PTPRD: variants seen among roughly 807,000 people sequenced by gnomAD.
PTPRD encodes the protein protein tyrosine phosphatase receptor type D.
PTPRD carries 34 observed loss-of-function variants against 214.5 expected under a neutral mutation model. That is an observed-to-expected ratio of 0.16 (90% CI 0.12 to 0.21). PTPRD has a LOEUF of 0.21. Ranked by LOEUF, PTPRD falls within the 10% of genes least tolerant of loss-of-function variation. PTPRD has a pLI of 1.00. For synonymous variants in PTPRD, 1,128 were observed against 845.7 expected (o/e 1.33, Z -5.79); for missense variants, 2,545 against 2,398.7 (o/e 1.06, Z -1.27).
At chr9:9,811,427 G>A (rs1565445769) in intron 5 of PTPRD, among the ~76,000 whole-genome samples, 1 of 152,126 alleles carries the variant, frequency 6.6e-6, no homozygotes, top group African/African-American at 2.4e-5. Flanking sequence ...AAGAAAGTGG[G>A]CCAGGCGCGG....
At chr9:9,434,630 A>G (rs2084487307) in intron 8 of PTPRD, among the ~76,000 whole-genome samples, 1 of 152,114 alleles carries the variant, frequency 6.6e-6, no homozygotes, top group African/African-American at 2.4e-5. Context: ...AATATACTAT[A>G]CAGATAGATA....
intron 5 of PTPRD, among the ~76,000 whole-genome samples, chr9:9,822,901 G>C (rs993299824): frequency 6.6e-6 from 1 of 152,086 alleles, no homozygotes; most frequent in Non-Finnish European, 1.5e-5. Flanking sequence ...ATGAAAAACA[G>C]AATGGTACGT....
chr9:9,927,229 G>A (rs943120219), intron 5 of PTPRD, among the ~76,000 whole-genome samples: 1 of 152,062 alleles, frequency 6.6e-6, no homozygotes, highest in Admixed American at 6.5e-5. Flanking sequence ...TATACCCACT[G>A]CTGGAGGAGG....
At chr9:8,608,559 T>C (rs567277876) in intron 14 of PTPRD, among the ~76,000 whole-genome samples, 1 of 152,092 alleles carries the variant, frequency 6.6e-6, no homozygotes, top group Non-Finnish European at 1.5e-5. Flanking sequence ...TCCCATATCT[T>C]CTTATGGCTT....
intron 2 of PTPRD, among the ~76,000 whole-genome samples, chr9:10,388,949 T>C (rs1038021819): frequency 3.3e-5 from 5 of 151,868 alleles, no homozygotes; most frequent in East Asian, 3.9e-4. Context: ...TGAAATTGTA[T>C]AGAAGTTGAA....
chr9:8,567,513 G>T (rs1270689863), intron 14 of PTPRD, among the ~76,000 whole-genome samples: 1 of 152,168 alleles, frequency 6.6e-6, no homozygotes, highest in Non-Finnish European at 1.5e-5. Flanking sequence ...TCACTGACCT[G>T]AGTTCTTTGA....
intron 10 of PTPRD, among the ~76,000 whole-genome samples, chr9:9,022,352 A>G (rs1184356427): frequency 6.6e-6 from 1 of 152,096 alleles, no homozygotes; most frequent in Non-Finnish European, 1.5e-5. Flanking sequence ...TCCAGTCCTG[A>G]AAGCTCCATT....
At chr9:10,489,734 G>A (rs1238857194) in intron 2 of PTPRD, among the ~76,000 whole-genome samples, 2 of 152,076 alleles carry the variant, frequency 1.3e-5, no homozygotes, top group East Asian at 3.9e-4. Flanking sequence ...TCCCTCCATG[G>A]TTAGTTATCA....
intron 8 of PTPRD, among the ~76,000 whole-genome samples, chr9:9,554,406 A>T (rs982904835): frequency 6.7e-6 from 1 of 148,666 alleles, no homozygotes; most frequent in East Asian, 2.0e-4. Context: ...GTCCTGTTTT[A>T]TTTTTTTTTT....
intron 4 of PTPRD, among the ~76,000 whole-genome samples, chr9:9,940,665 T>G (rs567891761): frequency 6.6e-6 from 1 of 152,168 alleles, no homozygotes; most frequent in Non-Finnish European, 1.5e-5. Flanking sequence ...AGCTCTCCTG[T>G]TGAAATACAA....
At chr9:8,745,963 T>C (rs985584417) in intron 11 of PTPRD, among the ~76,000 whole-genome samples, 1 of 152,288 alleles carries the variant, frequency 6.6e-6, no homozygotes, top group East Asian at 1.9e-4. Context: ...ACATTTGGTT[T>C]TTCAATTTTT....
chr9:9,422,006 AC>A (rs2079005531), intron 8 of PTPRD, among the ~76,000 whole-genome samples: 1 of 152,236 alleles, frequency 6.6e-6, no homozygotes, highest in East Asian at 1.9e-4. Flanking sequence ...AAACAAAAAA[AC>A]AGTAAAGAAT....
At chr9:9,975,891 C>T (rs1462382777) in intron 4 of PTPRD, among the ~76,000 whole-genome samples, 2 of 152,158 alleles carry the variant, frequency 1.3e-5, no homozygotes, top group Non-Finnish European at 2.9e-5. Context: ...GTGAGGTGTA[C>T]AGCATTATTT....
At chr9:8,852,121 T>C (rs1309290861) in intron 11 of PTPRD, among the ~76,000 whole-genome samples, 1 of 152,232 alleles carries the variant, frequency 6.6e-6, no homozygotes, top group Non-Finnish European at 1.5e-5. Context: ...TCACTTTATG[T>C]ATTTGAAAGT....
At chr9:8,785,018 C>T (rs2095880298) in intron 11 of PTPRD, among the ~76,000 whole-genome samples, 2 of 151,952 alleles carry the variant, frequency 1.3e-5, no homozygotes. Flanking sequence ...ACATGCTGCA[C>T]CCTGCCAGTC....
At chr9:8,922,286 A>G (rs4740969) in intron 11 of PTPRD, among the ~76,000 whole-genome samples, 107,014 of 152,038 alleles carry the variant, frequency 0.7, 37,865 homozygotes, top group Middle Eastern at 0.74. Flanking sequence ...TTTCATCAAT[A>G]CCAGGACTTT....
intron 4 of PTPRD, among the ~76,000 whole-genome samples, chr9:9,949,581 C>T (rs922618329): frequency 8.6e-5 from 13 of 152,032 alleles, no homozygotes; most frequent in South Asian, 4.1e-4. Context: ...AAAAATCATA[C>T]GACCTAGGTT....
At chr9:8,427,676 T>C (rs2094776072) in intron 35 of PTPRD, among the ~76,000 whole-genome samples, 1 of 151,332 alleles carries the variant, frequency 6.6e-6, no homozygotes, top group African/African-American at 2.4e-5. Flanking sequence ...CTTCTTATTG[T>C]TATGATTATT....
At chr9:8,797,100 G>C (rs570467083) in intron 11 of PTPRD, 1 of 152,078 alleles carries the variant, frequency 6.6e-6, no homozygotes, top group South Asian at 2.1e-4. Flanking sequence ...ATATTCAAGA[G>C]ACTTAAAGCA....
Sources: allele counts gnomAD v4.1 joint callset (sites outside exome capture counted in the v4.1 genomes callset), GRCh38; gene constraint gnomAD v4.1.1; transcripts MANE v1.5; gene names NCBI Gene and HGNC (gene_info 2026-07-23, HGNC 2026-07-21).